The following YES1 variants were observed in gnomAD, a reference collection of about 807,000 sequenced individuals.
YES1 encodes tyrosine-protein kinase Yes.
In YES1, 39 loss-of-function variants were observed where a neutral mutation model predicts 70.4. That is an observed-to-expected ratio of 0.55 (90% CI 0.43 to 0.72). The LOEUF (loss-of-function observed/expected upper bound fraction) is 0.72, where lower values mean the gene tolerates loss of function less well. Ranked by LOEUF, YES1 falls within the 30% of genes least tolerant of loss-of-function variation. YES1 has a pLI of 0.00. For synonymous variants in YES1, 198 were observed against 218.6 expected (o/e 0.91, Z 0.83); for missense variants, 495 against 644.8 (o/e 0.77, Z 2.52).
intron 1 of YES1, chr18:787,949 C>T (rs1906049322): frequency 1.3e-5 from 2 of 152,160 alleles, no homozygotes. Context: ...AGTTCAACAA[C>T]TGCTTTAGCC....
At chr18:724,742 A>C in intron 11 of YES1, 110 bp from the exon 12 acceptor site, 1 of 780,746 alleles carries the variant, frequency 1.3e-6, no homozygotes, top group Non-Finnish European at 2.0e-6. Flanking sequence ...TTAGTGAAAC[A>C]ATTCTTTTAA....
intron 1 of YES1, among the ~76,000 whole-genome samples, chr18:761,694 G>C (rs779451004): frequency 6.6e-6 from 1 of 151,964 alleles, no homozygotes; most frequent in Non-Finnish European, 1.5e-5. Flanking sequence ...ACACATCTAC[G>C]CACTTATCTT....
intron 11 of YES1, among the ~76,000 whole-genome samples, chr18:726,026 CTTTTA>C (rs1329165297): frequency 1.3e-5 from 2 of 152,136 alleles, no homozygotes; most frequent in Non-Finnish European, 1.5e-5. Flanking sequence ...ATTCTGTGTT[CTTTTA>C]TTTTATGCTT....
intron 8 of YES1, among the ~76,000 whole-genome samples, chr18:742,315 C>T (rs922770342): frequency 3.3e-5 from 5 of 151,866 alleles, no homozygotes; most frequent in African/African-American, 7.3e-5. Context: ...AATGAAGAAA[C>T]TTCCATTGAA....
intron 9 of YES1, chr18:738,922 C>G (rs1255674122): frequency 2.6e-5 from 4 of 152,212 alleles, no homozygotes; most frequent in Admixed American, 2.6e-4. Flanking sequence ...CTCCCGGGTT[C>G]AAGCGATTCT....
rs1375593277 is a variant in YES1, at chr18:742,914, A to C, written c.1060+4T>G. On this transcript the variant is annotated splice_donor_region_variant and intron_variant, in intron 8 of 11. Transcript: ENST00000314574. Reference sequence around the variant, plus strand: ...CAAATACCTAAGGAGATACTAATACATACCTTTTGACATAAATTCAGTGAC... The same window carrying C: ...CAAATACCTAAGGAGATACTAATACCTACCTTTTGACATAAATTCAGTGAC... 2.5e-6 allele frequency: 4 copies of C among 1,581,504 alleles called. No individual in the cohort carries two copies. The South Asian group carries it at 3.6e-5, about 14-fold the overall frequency.
At chr18:800,671 A>G (rs2145833396) in intron 1 of YES1, among the ~76,000 whole-genome samples, 1 of 152,342 alleles carries the variant, frequency 6.6e-6, no homozygotes, top group South Asian at 2.1e-4. Flanking sequence ...TAAGAACTTG[A>G]CACAGTGGCA....
rs534663314 is a variant in YES1, at chr18:760,458, A to C, written c.-8-3623T>G. On this transcript the variant is annotated intron_variant, in intron 1 of 11. Coordinates refer to ENST00000314574, the MANE Select transcript of YES1 (RefSeq NM_005433.4). ...GCACTCCAGCCTGGGTGAAAGAGTG[A>C]GATTCTGTCTAAAAAAAACAAACAA... Among the ~76,000 whole-genome samples, 17 of 152,248 alleles carry C rather than the reference A, an allele frequency of 1.1e-4. 1 individual carries two copies. The highest frequency in any genetic ancestry group is 1.0e-3 in the South Asian group (5 of 4,822).
chr18:761,850 G>C (rs1386958847), intron 1 of YES1, among the ~76,000 whole-genome samples: 2 of 152,142 alleles, frequency 1.3e-5, no homozygotes, highest in East Asian at 3.8e-4. Flanking sequence ...TAAATTTCAG[G>C]TGCAATATGA....
intron 10 of YES1, 31 bp from the exon 11 acceptor site, chr18:732,996 G>A (rs2080110119): frequency 6.2e-7 from 1 of 1,611,986 alleles, no homozygotes; most frequent in Admixed American, 1.7e-5. Context: ...TTGCTTAATT[G>A]TTTTTTAAAA....
intron 1 of YES1, among the ~76,000 whole-genome samples, chr18:770,513 T>A (rs959021628): frequency 1.3e-5 from 2 of 152,154 alleles, no homozygotes; most frequent in Admixed American, 6.5e-5. Flanking sequence ...AGCATTAATT[T>A]TGACAAAGTG....
At chr18:777,172 T>G (rs557504482) in intron 1 of YES1, among the ~76,000 whole-genome samples, 4 of 152,058 alleles carry the variant, frequency 2.6e-5, no homozygotes, top group African/African-American at 9.7e-5. Context: ...AAGTACAACA[T>G]AGAAGAACAA....
At chr18:772,198 T>A (rs1023522940) in intron 1 of YES1, among the ~76,000 whole-genome samples, 4 of 151,446 alleles carry the variant, frequency 2.6e-5, no homozygotes, top group Admixed American at 6.6e-5. Flanking sequence ...TCCAGCTAAT[T>A]TTGTATTTTC....
At chr18:790,897 C>T (rs148823914) in intron 1 of YES1, among the ~76,000 whole-genome samples, 183 of 152,290 alleles carry the variant, frequency 1.2e-3, no homozygotes, top group African/African-American at 4.2e-3. Context: ...TCCTTCCCAA[C>T]TGTTACCGAG....
chr18:774,745 A>G (rs1487122913), intron 1 of YES1, among the ~76,000 whole-genome samples: 2 of 152,118 alleles, frequency 1.3e-5, no homozygotes, highest in African/African-American at 4.8e-5. Context: ...CTGCCATTGC[A>G]CCTTTTACAG....
chr18:726,357 G>A (rs1280935765), intron 11 of YES1, among the ~76,000 whole-genome samples: 4 of 151,852 alleles, frequency 2.6e-5, no homozygotes, highest in Admixed American at 6.6e-5. Context: ...CCTGGGAGGT[G>A]GAGGTTGCAG....
At chr18:765,026 G>A (rs1436139151) in intron 1 of YES1, among the ~76,000 whole-genome samples, 5 of 151,052 alleles carry the variant, frequency 3.3e-5, no homozygotes, top group Admixed American at 2.0e-4. Flanking sequence ...GAGCCACCTC[G>A]CCCGGCTTAT....
chr18:732,559 A>T (rs2080105130), intron 11 of YES1, among the ~76,000 whole-genome samples: 1 of 151,932 alleles, frequency 6.6e-6, no homozygotes, highest in Non-Finnish European at 1.5e-5. Flanking sequence ...GAACAGTAAG[A>T]GGCCCCTTTG....
At chr18:725,747 A>G (rs989013488) in intron 11 of YES1, among the ~76,000 whole-genome samples, 1 of 152,186 alleles carries the variant, frequency 6.6e-6, no homozygotes, top group Non-Finnish European at 1.5e-5. Flanking sequence ...TGAGCCAGGC[A>G]TGATGGCAGG....
Sources: gnomAD v4.1 joint callset for allele counts (sites outside exome capture counted in the v4.1 genomes callset) on GRCh38, gnomAD v4.1.1 for gene constraint, MANE v1.5 for transcripts, NCBI Gene and HGNC (gene_info 2026-07-23, HGNC 2026-07-21) for gene names.